ZNF84: variants seen among roughly 807,000 people sequenced by gnomAD.
The protein encoded by ZNF84 is zinc finger protein 84, also known as zinc finger protein HPF2.
In ZNF84, 12 loss-of-function variants were observed where a neutral mutation model predicts 14.8. That is an observed-to-expected ratio of 0.81 (90% CI 0.52 to 1.31). The LOEUF (loss-of-function observed/expected upper bound fraction) is 1.31, where lower values mean the gene tolerates loss of function less well. Ranked by LOEUF, ZNF84 falls within the 50% of genes most tolerant of loss-of-function variation. The pLI, the probability that ZNF84 is intolerant of heterozygous loss-of-function variation, is 0.00. For missense variants in ZNF84, 859 were observed against 878.6 expected (o/e 0.98, Z 0.28); for synonymous variants, 347 against 291.1 (o/e 1.19, Z -1.96).
At chr12:133,051,534 A>G (rs1411636233) in intron 4 of ZNF84, among the ~76,000 whole-genome samples, 1 of 152,178 alleles carries the variant, frequency 6.6e-6, no homozygotes, top group East Asian at 1.9e-4. Flanking sequence ...TGAAAAAGGC[A>G]CAGGCAGAGT....
chr12:133,045,612 C>G (rs909657006), intron 2 of ZNF84, among the ~76,000 whole-genome samples: 2 of 152,140 alleles, frequency 1.3e-5, no homozygotes, highest in African/African-American at 2.4e-5. Context: ...GCACTGCAGC[C>G]TGGGTGACAG....
chr12:133,055,175 T>A (rs2137406745), intron 4 of ZNF84, among the ~76,000 whole-genome samples: 1 of 152,306 alleles, frequency 6.6e-6, no homozygotes, highest in South Asian at 2.1e-4. Context: ...GGACTCATTC[T>A]CTATTTGTTC....
rs974375408 is a variant in ZNF84, at chr12:133,041,432, C to T, written c.-36C>T. On this transcript the variant is annotated 5_prime_UTR_variant, in exon 2 of 5. Coordinates refer to ENST00000539354, the MANE Select transcript of ZNF84 (RefSeq NM_001289971.2). ...AGAAGAGACGCACAGTAGAACCGATCTCAGCCTTGCTGATCATCTCGTACA... is the reference window on the plus strand; with the variant it reads ...AGAAGAGACGCACAGTAGAACCGATTTCAGCCTTGCTGATCATCTCGTACA... 5 of 1,613,498 alleles carry T rather than the reference C, an allele frequency of 3.1e-6. No homozygotes were observed. The African/African-American group carries it at 5.3e-5, about 17-fold the overall frequency.
rs1306063311 is a variant in ZNF84 at position 133,059,865 on chromosome 12, GGTCTTTT to G, written c.*936_*942del. 1 of 152,036 alleles carries G rather than the reference GGTCTTTT, an allele frequency of 6.6e-6. No individual in the cohort carries two copies. Among genetic ancestry groups the G allele is most frequent in the African/African-American group, 2.4e-5 (1 of 41,388 alleles). 9.4% of individuals were successfully genotyped at this position (152,036 alleles called of 1,614,324 possible). ...TTTTAACTTATAGACATACATAAGG[GGTCTTTT>G]GTTTTTATGGACCTTTCTATTCAGT... On this transcript the variant is annotated 3_prime_UTR_variant, in exon 5 of 5. Transcript: ENST00000539354.
intron 2 of ZNF84, among the ~76,000 whole-genome samples, chr12:133,046,673 TG>T (rs1953984391): frequency 6.6e-6 from 1 of 150,894 alleles, no homozygotes; most frequent in Non-Finnish European, 1.5e-5. Flanking sequence ...TGTATTGGTT[TG>T]TTTTTGAGAT....
chr12:133,058,560 T>G lies in ZNF84; in HGVS notation c.1845T>G (p.Ile615Met). ...RKAFFEKSEL[I>M]RHLRTHTGEK... Reference sequence around the variant, plus strand: ...CTTTTTTTGAGAAGTCGGAGCTAATTAGACATCTGAGAACTCATACAGGAG... The same window carrying G: ...CTTTTTTTGAGAAGTCGGAGCTAATGAGACATCTGAGAACTCATACAGGAG... Residue 615 changes from isoleucine to methionine, a missense_variant, in exon 5 of 5, where the codon ATT becomes ATG. Coordinates refer to ENST00000539354, the MANE Select transcript of ZNF84 (RefSeq NM_001289971.2). 6 of 1,613,920 alleles carry G rather than the reference T, an allele frequency of 3.7e-6. No individual in the cohort carries two copies. In the Middle Eastern group the frequency reaches 6.6e-4, roughly 178 times the overall value.
intron 4 of ZNF84, 23 bp from the exon 5 acceptor site, chr12:133,056,931 G>C: frequency 6.5e-7 from 1 of 1,536,380 alleles, no homozygotes; most frequent in Admixed American, 2.3e-5. Flanking sequence ...CAACCAAACA[G>C]ATTGTTTTTG....
intron 4 of ZNF84, among the ~76,000 whole-genome samples, chr12:133,052,126 T>A (rs1184179979): frequency 6.6e-6 from 1 of 152,182 alleles, no homozygotes; most frequent in Non-Finnish European, 1.5e-5. Flanking sequence ...CAGTCTGCCA[T>A]AACAAAATAC....
In ZNF84 at chr12:133,058,228, C is replaced by T. The variant is rs1954196581; in HGVS notation, c.1513C>T (p.His505Tyr). ...AFSEKLSLTN[H>Y]QRIHTGEKPY... ...CAGTGAAAAATTAAGTCTCACTAATCATCAAAGAATTCATACAGGAGAAAA... is the reference window on the plus strand; with the variant it reads ...CAGTGAAAAATTAAGTCTCACTAATTATCAAAGAATTCATACAGGAGAAAA... The change falls in exon 5 of 5, where the codon CAT (histidine) becomes TAT (tyrosine). Residue 505 changes from histidine (H) to tyrosine (Y), a missense_variant. Coordinates refer to ENST00000539354, the MANE Select transcript of ZNF84 (RefSeq NM_001289971.2). 6.2e-7 allele frequency: 1 copy of T among 1,613,860 alleles called. No individual in the cohort carries two copies. Among genetic ancestry groups the T allele is most frequent in the Non-Finnish European group, 8.5e-7 (1 of 1,179,942 alleles).
rs1953883031 is a variant in ZNF84, at chr12:133,041,307, C to A, written c.-161C>A. 1.5e-6 allele frequency: 1 copy of A among 682,708 alleles called. No individual in the cohort carries two copies. Among genetic ancestry groups the A allele is most frequent in the South Asian group, 1.8e-5 (1 of 54,978 alleles). The allele number at this position is 682,708 out of a possible 1,614,324, so 42.3% of individuals were successfully genotyped here. A position where few individuals can be genotyped will look rare whatever the true frequency, so the allele number is the denominator to read the frequency against. ...CAGATCCTGGTCCCTACAAATAAGC[C>A]TGCTCATGTGAGATAAGAAAGGAGT... On this transcript the variant is annotated 5_prime_UTR_variant, in exon 2 of 5. In the 5' UTR this introduces an upstream ATG that the reference lacks. Transcript: ENST00000539354.
chr12:133,048,651 C>T lies in ZNF84; in HGVS notation c.143-102C>T, dbSNP rs1421591078. ...GAGAATTACTTACTCTGTTGGGGTA[C>T]AGCTTCACCAGGCCAACTTTGATGT... On this transcript the variant is annotated intron_variant, in intron 3 of 4. Transcript: ENST00000539354. 3 of 760,306 alleles carry T rather than the reference C, an allele frequency of 3.9e-6. No homozygotes were observed. The South Asian group carries it at 4.9e-5, about 12-fold the overall frequency. The allele number at this position is 760,306 out of a possible 1,614,324, so 47.1% of individuals were successfully genotyped here.
chr12:133,053,252 A>G (rs1954100261), intron 4 of ZNF84, among the ~76,000 whole-genome samples: 1 of 152,224 alleles, frequency 6.6e-6, no homozygotes, highest in African/African-American at 2.4e-5. Flanking sequence ...CATTTTTCTA[A>G]TAGGAAAAAA....
Position 133,058,015 on chromosome 12 carries a change from A to G in ZNF84, c.1300A>G (p.Ile434Val). ...TACAGGAGAGAAACCTCATGGATGCATTCAGTGTGGGAAGGCCTTCTCCCA... is the reference window on the plus strand; with the variant it reads ...TACAGGAGAGAAACCTCATGGATGCGTTCAGTGTGGGAAGGCCTTCTCCCA... ...THTGEKPHGCIQCGKAFSQKS... is the reference protein window; with the variant it reads ...THTGEKPHGCVQCGKAFSQKS... The change falls in exon 5 of 5, where the codon ATT becomes GTT. Residue 434 changes from isoleucine to valine, a missense_variant. By Grantham distance (29) the Ile-to-Val change is conservative. Coordinates refer to ENST00000539354, the MANE Select transcript of ZNF84 (RefSeq NM_001289971.2). 6.2e-7 allele frequency: 1 copy of G among 1,613,566 alleles called. No homozygotes were observed. The highest frequency in any genetic ancestry group is 8.5e-7 in the Non-Finnish European group (1 of 1,179,864).
chr12:133,058,519 A>T lies in ZNF84; in HGVS notation c.1804A>T (p.Ser602Cys). The change falls in exon 5 of 5, where the codon AGT becomes TGT. Residue 602 changes from serine (S) to cysteine (C), a missense_variant. By Grantham distance (112) the Ser-to-Cys change is moderately radical. Transcript: ENST00000539354. ...IHTGEKPYEC[S>C]LCRKAFFEKS... ...CACTGGAGAGAAACCCTATGAATGC[A>T]GTCTTTGTAGGAAAGCTTTTTTTGA... 1 of 1,614,140 alleles carries T rather than the reference A, an allele frequency of 6.2e-7. No homozygotes were observed. The highest frequency in any genetic ancestry group is 8.5e-7 in the Non-Finnish European group (1 of 1,180,002).
chr12:133,057,405 A>G lies in ZNF84; in HGVS notation c.690A>G (p.Ile230Met). ...PSLIKHQSRH[I>M]RDIAFGCGNC... is the part of the protein sequence containing the mutation. ...TCATTAAACATCAGAGCAGACATAT[A>G]AGAGACATAGCCTTTGGCTGTGGTA... Residue 230 changes from isoleucine to methionine, a missense_variant, in exon 5 of 5, where the codon ATA becomes ATG. By Grantham distance (10) the Ile-to-Met change is conservative. Coordinates refer to ENST00000539354, the MANE Select transcript of ZNF84 (RefSeq NM_001289971.2). 1.9e-6 allele frequency: 3 copies of G among 1,614,188 alleles called. No homozygotes were observed. Among genetic ancestry groups the G allele is most frequent in the Non-Finnish European group, 2.5e-6 (3 of 1,180,030 alleles).
chr12:133,058,651 CAG>C lies in ZNF84; in HGVS notation c.1940_1941del (p.Arg647AsnfsTer9), dbSNP rs1397066521. 1.9e-6 allele frequency: 3 copies of C among 1,614,036 alleles called. No homozygotes were observed. Among genetic ancestry groups the C allele is most frequent in the Non-Finnish European group, 2.5e-6 (3 of 1,180,022 alleles). On this transcript the variant is annotated frameshift_variant, in exon 5 of 5. Transcript: ENST00000539354. LOFTEE classifies it low-confidence loss of function (END_TRUNC). ...FREKSSLINH[Q>X]RIHTGEKPFE... ...GGAGAAGTCAAGTCTCATCAATCAT[CAG>C]AGAATACATACAGGAGAGAAGCCTT...
At chr12:133,049,248 C>T (rs201557938) in intron 4 of ZNF84, among the ~76,000 whole-genome samples, 4,568 of 152,168 alleles carry the variant, frequency 0.03, 246 homozygotes, top group African/African-American at 0.11. Context: ...CATTCAGTCC[C>T]TCCTTCCCCT....
At chr12:133,055,310 A>G (rs1304935460) in intron 4 of ZNF84, among the ~76,000 whole-genome samples, 2 of 152,128 alleles carry the variant, frequency 1.3e-5, no homozygotes, top group African/African-American at 4.8e-5. Flanking sequence ...CATTATATAT[A>G]TAATAGAATA....
rs1261739423 is a variant in ZNF84, at chr12:133,048,925, A to C, written c.238+77A>C. ...CTGGTCAGTGACGGGTGGGCTAGTC[A>C]GTGATGGGTGGGCTGGTCAGTGATG... On this transcript the variant is annotated intron_variant, in intron 4 of 4. Coordinates refer to ENST00000539354, the MANE Select transcript of ZNF84 (RefSeq NM_001289971.2). The C allele has an allele frequency of 1.2e-5, 15 of 1,214,334 alleles. No homozygotes were observed. In the African/African-American group the frequency reaches 2.1e-4, roughly 17 times the overall value. The allele number at this position is 1,214,334 out of a possible 1,614,324, so 75.2% of individuals were successfully genotyped here.
Sources: gnomAD v4.1 joint callset for allele counts (sites outside exome capture counted in the v4.1 genomes callset) on GRCh38, gnomAD v4.1.1 for gene constraint, MANE v1.5 for transcripts, NCBI Gene and HGNC (gene_info 2026-07-23, HGNC 2026-07-21) for gene names.